Variants in ACACA observed in about 807,000 individuals in gnomAD.
ACACA encodes the protein acetyl-CoA carboxylase alpha, also known as acetyl-CoA carboxylase 1.
ACACA carries 103 observed loss-of-function variants against 296.1 expected under a neutral mutation model. The observed-to-expected ratio is 0.35, with a 90% CI of 0.30 to 0.41. The LOEUF (loss-of-function observed/expected upper bound fraction) is 0.41. Ranked by LOEUF, ACACA falls within the 10% of genes least tolerant of loss-of-function variation. ACACA has a pLI of 1.00. For synonymous variants in ACACA, 953 were observed against 1,038.6 expected (o/e 0.92, Z 1.58); for missense variants, 1,554 against 2,989.7 (o/e 0.52, Z 11.20).
intron 48 of ACACA, among the ~76,000 whole-genome samples, chr17:37,123,800 G>A (rs938409875): frequency 6.6e-6 from 1 of 152,116 alleles, no homozygotes; most frequent in African/African-American, 2.4e-5. Flanking sequence ...CAATCCAACT[G>A]GAAACTTGTA....
At chr17:37,377,608 G>A (rs557998159) in intron 1 of ACACA, among the ~76,000 whole-genome samples, 13 of 151,672 alleles carry the variant, frequency 8.6e-5, no homozygotes, top group East Asian at 7.7e-4. Flanking sequence ...TGCAATGAGC[G>A]GAGATCACGT....
At chr17:37,390,908 T>A (rs1169191554) in intron 1 of ACACA, among the ~76,000 whole-genome samples, 1 of 152,074 alleles carries the variant, frequency 6.6e-6, no homozygotes, top group Admixed American at 6.6e-5. Context: ...CAACTGTGAT[T>A]GAACTTCTAT....
chr17:37,186,541 T>C (rs1205758098), intron 39 of ACACA, among the ~76,000 whole-genome samples: 1 of 152,222 alleles, frequency 6.6e-6, no homozygotes, highest in South Asian at 2.1e-4. Context: ...ATAAGCACCA[T>C]GTAGGCATTA....
At chr17:37,398,015 G>A (rs1301968727) in intron 1 of ACACA, among the ~76,000 whole-genome samples, 1 of 152,054 alleles carries the variant, frequency 6.6e-6, no homozygotes, top group Non-Finnish European at 1.5e-5. Context: ...TGGATCACAA[G>A]GTCAAGAGAT....
chr17:37,277,454 G>A (rs1415464301), intron 6 of ACACA, among the ~76,000 whole-genome samples: 1 of 152,158 alleles, frequency 6.6e-6, no homozygotes, highest in Non-Finnish European at 1.5e-5. Flanking sequence ...AATTACTATG[G>A]CCACTCCATT....
intron 35 of ACACA, among the ~76,000 whole-genome samples, chr17:37,194,240 A>G (rs2077889491): frequency 6.6e-6 from 1 of 152,162 alleles, no homozygotes; most frequent in Non-Finnish European, 1.5e-5. Context: ...CTTCTTCATT[A>G]TGAGTGCAAT....
At chr17:37,099,686 GC>G (rs1029634432) in intron 52 of ACACA, among the ~76,000 whole-genome samples, 4 of 151,984 alleles carry the variant, frequency 2.6e-5, no homozygotes, top group African/African-American at 9.7e-5. Context: ...TGGCAAGAGG[GC>G]TGATGGGAGG....
At position 37,149,927 on chromosome 17, in the gene ACACA, T is replaced by C. The variant is rs1424767946; in HGVS notation, c.5616A>G (p.Gly1872=). 5.6e-6 allele frequency: 9 copies of C among 1,614,076 alleles called. No homozygotes were observed. The highest frequency in any genetic ancestry group is 5.3e-5 in the African/African-American group (4 of 74,924). Residue 1872 remains glycine (G), a synonymous_variant, in exon 45 of 56, where the codon GGA becomes GGG. Transcript: ENST00000616317. ...IGIGAYLVRL[G]QRTIQVENSH... ...AATTCTCAACCTGGATGGTTCTCTG[T>C]CCCAGCCGGACAAGGTAAGCCCCAA... is the stretch of plus-strand genomic sequence containing the variant.
chr17:37,184,976 T>C (rs1227851967), intron 39 of ACACA, among the ~76,000 whole-genome samples: 1 of 151,792 alleles, frequency 6.6e-6, no homozygotes, highest in Non-Finnish European at 1.5e-5. Context: ...AGACACAAAA[T>C]AGTACACACT....
intron 1 of ACACA, among the ~76,000 whole-genome samples, chr17:37,374,750 G>T (rs930548108): frequency 2.0e-5 from 3 of 152,168 alleles, no homozygotes; most frequent in Non-Finnish European, 4.4e-5. Context: ...GCCGTATTTA[G>T]CTCTTCCTCA....
chr17:37,397,430 CA>C (rs1354834209), intron 1 of ACACA, among the ~76,000 whole-genome samples: 3 of 152,044 alleles, frequency 2.0e-5, no homozygotes, highest in African/African-American at 7.2e-5. Context: ...GTCACACCAC[CA>C]AATGGATAAG....
chr17:37,315,393 T>C (rs1053821616), intron 3 of ACACA, among the ~76,000 whole-genome samples: 1 of 152,224 alleles, frequency 6.6e-6, no homozygotes, highest in East Asian at 1.9e-4. Context: ...TTTTTTTCCA[T>C]ATCAACAACC....
intron 3 of ACACA, among the ~76,000 whole-genome samples, chr17:37,326,800 G>A (rs909417655): frequency 6.6e-6 from 1 of 151,774 alleles, no homozygotes; most frequent in African/African-American, 2.4e-5. Flanking sequence ...CTGCACTCCA[G>A]CCTGGGCGAC....
chr17:37,194,340 T>C (rs1045137757), intron 35 of ACACA, among the ~76,000 whole-genome samples: 1 of 152,166 alleles, frequency 6.6e-6, no homozygotes, highest in African/African-American at 2.4e-5. Flanking sequence ...GAAGGAAACA[T>C]GGACTGAAAA....
At chr17:37,180,812 A>T (rs186141853) in intron 40 of ACACA, among the ~76,000 whole-genome samples, 397 of 152,338 alleles carry the variant, frequency 2.6e-3, no homozygotes, top group Non-Finnish European at 4.6e-3. Flanking sequence ...ATCAACTAGG[A>T]ACCAGGTTTA....
chr17:37,306,605 G>T (rs1454356970), intron 3 of ACACA, among the ~76,000 whole-genome samples: 2 of 151,910 alleles, frequency 1.3e-5, no homozygotes, highest in African/African-American at 4.8e-5. Context: ...GATCAGTCTT[G>T]TTTACTCTTG....
chr17:37,172,891 G>T (rs1233354230), intron 41 of ACACA, among the ~76,000 whole-genome samples: 1 of 152,154 alleles, frequency 6.6e-6, no homozygotes, highest in East Asian at 1.9e-4. Flanking sequence ...CTGTTTTACA[G>T]ACCCGCTTCG....
At chr17:37,389,225 CCAGT>C in intron 1 of ACACA, 1 of 1,561,614 alleles carries the variant, frequency 6.4e-7, no homozygotes, top group Non-Finnish European at 8.7e-7. Context: ...CATATTAATA[CCAGT>C]CATTTTCTCC....
intron 1 of ACACA, among the ~76,000 whole-genome samples, chr17:37,395,974 C>T (rs1462097381): frequency 6.6e-6 from 1 of 152,160 alleles, no homozygotes; most frequent in Non-Finnish European, 1.5e-5. Flanking sequence ...TAAGTTATTG[C>T]TGAATGACAT....
Sources: allele counts gnomAD v4.1 joint callset (sites outside exome capture counted in the v4.1 genomes callset), GRCh38; gene constraint gnomAD v4.1.1; transcripts MANE v1.5; gene names NCBI Gene and HGNC (gene_info 2026-07-23, HGNC 2026-07-21).